ANKRD55: variants seen among roughly 807,000 people sequenced by gnomAD.
The protein encoded by ANKRD55 is ankyrin repeat domain 55, also known as ankyrin repeat domain-containing protein 55.
A neutral mutation model predicts 60.6 loss-of-function variants in ANKRD55; 41 were observed. That is an observed-to-expected ratio of 0.68 (90% CI 0.53 to 0.88). The LOEUF (loss-of-function observed/expected upper bound fraction) is 0.88, where lower values mean the gene tolerates loss of function less well. Ranked by LOEUF, ANKRD55 falls within the 40% of genes least tolerant of loss-of-function variation. ANKRD55 has a pLI of 0.00. For synonymous variants in ANKRD55, 264 were observed against 290.3 expected (o/e 0.91, Z 0.92); for missense variants, 732 against 767.6 (o/e 0.95, Z 0.55).
chr5:56,174,521 T>C (rs2111819763), intron 4 of ANKRD55, among the ~76,000 whole-genome samples: 1 of 152,314 alleles, frequency 6.6e-6, no homozygotes, highest in East Asian at 1.9e-4. Context: ...CTGTCTGAGA[T>C]ATGGGACTTC....
At chr5:56,191,403 C>T (rs1242088516) in intron 2 of ANKRD55, among the ~76,000 whole-genome samples, 1 of 152,110 alleles carries the variant, frequency 6.6e-6, no homozygotes, top group Non-Finnish European at 1.5e-5. Flanking sequence ...TTGTAGTTTT[C>T]AGTGTACCAG....
At chr5:56,227,762 C>A (rs160492) in intron 2 of ANKRD55, among the ~76,000 whole-genome samples, 1 of 151,700 alleles carries the variant, frequency 6.6e-6, no homozygotes, top group African/African-American at 2.4e-5. Context: ...TAGGTCATAA[C>A]CTTTTTGAAT....
intron 8 of ANKRD55, among the ~76,000 whole-genome samples, chr5:56,119,849 T>C (rs796968484): frequency 1.3e-5 from 2 of 151,964 alleles, no homozygotes; most frequent in African/African-American, 4.8e-5. Flanking sequence ...CCTAGAGAGG[T>C]TGAGGCTTCA....
At chr5:56,230,894 CAACAGCAATAATAAT>C (rs1045414102) in intron 2 of ANKRD55, among the ~76,000 whole-genome samples, 2 of 152,148 alleles carry the variant, frequency 1.3e-5, no homozygotes, top group Non-Finnish European at 2.9e-5. Context: ...GTGATAATAA[CAACAGCAATAATAAT>C]AACAGCTGCA....
intron 2 of ANKRD55, among the ~76,000 whole-genome samples, chr5:56,210,162 C>T (rs1480207611): frequency 6.6e-6 from 1 of 152,052 alleles, no homozygotes; most frequent in Non-Finnish European, 1.5e-5. Context: ...AGTGTGCCAC[C>T]ACCCCCGAAA....
intron 10 of ANKRD55, among the ~76,000 whole-genome samples, chr5:56,107,759 A>G (rs1281297026): frequency 6.6e-6 from 1 of 152,110 alleles, no homozygotes; most frequent in East Asian, 1.9e-4. Context: ...GAGAAGCCAT[A>G]CATTAGGTGA....
intron 10 of ANKRD55, chr5:56,110,699 C>A: frequency 4.9e-6 from 1 of 204,076 alleles, no homozygotes; most frequent in South Asian, 9.7e-5. Flanking sequence ...GCCATTTTCC[C>A]TGTTCCCTCA....
At position 56,102,596 on chromosome 5, in the gene ANKRD55, A is replaced by G; in HGVS notation, c.1631-10T>C. 6.2e-7 allele frequency: 1 copy of G among 1,601,814 alleles called. No homozygotes were observed. The highest frequency in any genetic ancestry group is 8.6e-7 in the Non-Finnish European group (1 of 1,169,562). On this transcript the variant is annotated splice_polypyrimidine_tract_variant and intron_variant, in intron 10 of 11. Coordinates refer to ENST00000341048, the MANE Select transcript of ANKRD55 (RefSeq NM_024669.3). ...TGCTGAAAATTTTGTCCTGAAGATA[A>G]ACATATTTGCATCAATTACTTGAGA...
In ANKRD55 at chr5:56,183,497, G is replaced by A. The variant is rs772661470; in HGVS notation, c.181+15C>T. 8.7e-6 allele frequency: 14 copies of A among 1,613,022 alleles called. No homozygotes were observed. The East Asian group carries it at 3.1e-4, about 36-fold the overall frequency. Reference sequence around the variant, plus strand: ...GAGCAGAACATTCTGGATTCAAAATGCATACATATCTCACCTTCACTGTCA... The same window carrying A: ...GAGCAGAACATTCTGGATTCAAAATACATACATATCTCACCTTCACTGTCA... On this transcript the variant is annotated intron_variant, in intron 3 of 11. Transcript: ENST00000341048.
At chr5:56,170,340 T>C (rs1315144801) in intron 5 of ANKRD55, among the ~76,000 whole-genome samples, 1 of 152,194 alleles carries the variant, frequency 6.6e-6, no homozygotes. Context: ...TTATTTACTG[T>C]AGAATTTCAA....
intron 2 of ANKRD55, 109 bp downstream of exon 2, chr5:56,232,745 AAC>A (rs142447793): frequency 0.046 from 37,514 of 819,448 alleles, 14 homozygotes; most frequent in Non-Finnish European, 0.053. Flanking sequence ...CACGCACATG[AAC>A]ACACACACAC....
chr5:56,111,379 C>T lies in ANKRD55; in HGVS notation c.1369G>A (p.Ala457Thr). 6.2e-7 allele frequency: 1 copy of T among 1,614,112 alleles called. No individual in the cohort carries two copies. Among genetic ancestry groups the T allele is most frequent in the Non-Finnish European group, 8.5e-7 (1 of 1,180,032 alleles). Reference sequence around the variant, plus strand: ...TGATGAGGAGCAGAGCTCAGGCCTGCATGGGAAGTGGCCCTATGGGAGGCT... The same window carrying T: ...TGATGAGGAGCAGAGCTCAGGCCTGTATGGGAAGTGGCCCTATGGGAGGCT... ...LTASHRATSH[A>T]GLSSAPHHMA... The change falls in exon 10 of 12, where the codon GCA becomes ACA. Residue 457 changes from alanine to threonine, a missense_variant. Coordinates refer to ENST00000341048, the MANE Select transcript of ANKRD55 (RefSeq NM_024669.3).
At chr5:56,180,414 T>G (rs1758827982) in intron 3 of ANKRD55, among the ~76,000 whole-genome samples, 2 of 152,246 alleles carry the variant, frequency 1.3e-5, no homozygotes, top group Non-Finnish European at 2.9e-5. Flanking sequence ...TGTATTTCTA[T>G]ACACATTTTA....
At chr5:56,220,682 G>A (rs1372313237) in intron 2 of ANKRD55, among the ~76,000 whole-genome samples, 2 of 152,068 alleles carry the variant, frequency 1.3e-5, no homozygotes, top group African/African-American at 2.4e-5. Flanking sequence ...TCATGATGGT[G>A]GGCGTCTGTA....
chr5:56,204,808 T>A (rs997879193), intron 2 of ANKRD55, among the ~76,000 whole-genome samples: 1 of 152,180 alleles, frequency 6.6e-6, no homozygotes, highest in African/African-American at 2.4e-5. Context: ...AAGTTAAGTG[T>A]TGTTATGAAA....
chr5:56,193,180 A>G, intron 2 of ANKRD55: 1 of 732,638 alleles, frequency 1.4e-6, no homozygotes, highest in Non-Finnish European at 2.2e-6. Flanking sequence ...GTGGAGGAGC[A>G]GGATATTTAC....
intron 3 of ANKRD55, among the ~76,000 whole-genome samples, chr5:56,181,029 G>A (rs191498406): frequency 1.3e-5 from 2 of 152,248 alleles, no homozygotes; most frequent in African/African-American, 4.8e-5. Context: ...GGTGAAACCT[G>A]TCTCTACTAA....
chr5:56,112,509 A>AAAAAAAAC (rs1554036576), intron 9 of ANKRD55, among the ~76,000 whole-genome samples: 23 of 146,510 alleles, frequency 1.6e-4, no homozygotes, highest in African/African-American at 5.6e-4. Context: ...TCTAGCAAAA[A>AAAAAAAAC]AAAAAAAAAA....
chr5:56,187,958 T>C (rs1759011914), intron 2 of ANKRD55, among the ~76,000 whole-genome samples: 1 of 152,168 alleles, frequency 6.6e-6, no homozygotes, highest in Non-Finnish European at 1.5e-5. Flanking sequence ...GTTGAACTGA[T>C]TGAAGGGTGG....
Sources: allele counts gnomAD v4.1 joint callset (sites outside exome capture counted in the v4.1 genomes callset), GRCh38; gene constraint gnomAD v4.1.1; transcripts MANE v1.5; gene names NCBI Gene and HGNC (gene_info 2026-07-23, HGNC 2026-07-21).